Variants in CTNNA2 observed in about 807,000 individuals in gnomAD.
CTNNA2 encodes the protein catenin alpha 2, also known as catenin alpha-2.
Under a neutral mutation model 101.0 loss-of-function variants are expected in CTNNA2, and 42 were observed. The ratio of observed to expected loss-of-function variants is 0.42; its 90% CI spans 0.32 to 0.54. The LOEUF (loss-of-function observed/expected upper bound fraction) is 0.54. CTNNA2 is among the 20% of genes least tolerant of loss of function. CTNNA2 has a pLI of 0.14. For missense variants in CTNNA2, 871 were observed against 1,223.1 expected (o/e 0.71, Z 4.29); for synonymous variants, 450 against 456.4 (o/e 0.99, Z 0.18).
chr2:79,877,713 G>A (rs565787443), intron 6 of CTNNA2, among the ~76,000 whole-genome samples: 9 of 152,082 alleles, frequency 5.9e-5, no homozygotes, highest in African/African-American at 2.2e-4. Context: ...CTGATACTTG[G>A]TATAATACCT....
At chr2:79,566,591 CTTG>C (rs1675128783) in intron 1 of CTNNA2, among the ~76,000 whole-genome samples, 1 of 151,890 alleles carries the variant, frequency 6.6e-6, no homozygotes, top group Admixed American at 6.6e-5. Flanking sequence ...ATTTTACTTT[CTTG>C]TTGTTGGCTC....
chr2:79,523,065 GTA>G, intron 1 of CTNNA2: 1 of 242,410 alleles, frequency 4.1e-6, no homozygotes, highest in South Asian at 5.0e-5. Context: ...GAGATCATAG[GTA>G]TATATAAATT....
intron 12 of CTNNA2, among the ~76,000 whole-genome samples, chr2:80,558,440 GTTGGT>G (rs936642896): frequency 5.1e-5 from 7 of 137,284 alleles, no homozygotes; most frequent in Admixed American, 3.2e-4. Context: ...ACAAAGTTTT[GTTGGT>G]GTGTGTGTGT....
rs765245415 is a variant in CTNNA2, at chr2:80,303,095, C to T, written c.1057-90116C>T. The T allele has an allele frequency of 4.3e-6, 7 of 1,614,056 alleles. No individual in the cohort carries two copies. The South Asian group carries it at 6.6e-5, about 15-fold the overall frequency. ...GCTGACCACAATGGCCACCTTGTTCCTCCGCAGGCAGAGCGAGTGCAGGGA... is the reference window on the plus strand; with the variant it reads ...GCTGACCACAATGGCCACCTTGTTCTTCCGCAGGCAGAGCGAGTGCAGGGA... On this transcript the variant is annotated intron_variant, in intron 7 of 18. Transcript: ENST00000402739. The surrounding 1 kb of genome is among the most constrained non-coding windows in gnomAD (Gnocchi z 7.7).
At chr2:80,560,577 T>C (rs2149672631) in intron 12 of CTNNA2, among the ~76,000 whole-genome samples, 1 of 152,290 alleles carries the variant, frequency 6.6e-6, no homozygotes, top group Admixed American at 6.5e-5. Flanking sequence ...GAGTCCCCTG[T>C]ATAAACCCTC....
At chr2:80,501,776 G>T (rs1687901610) in intron 9 of CTNNA2, among the ~76,000 whole-genome samples, 1 of 152,142 alleles carries the variant, frequency 6.6e-6, no homozygotes, top group African/African-American at 2.4e-5. Flanking sequence ...CCCAAAAGGT[G>T]CTCTGGAGCA....
chr2:79,682,765 A>T (rs1049243398), intron 2 of CTNNA2, among the ~76,000 whole-genome samples: 12 of 152,174 alleles, frequency 7.9e-5, no homozygotes, highest in African/African-American at 2.7e-4. Context: ...AAATAGATAC[A>T]TATATGTGCT....
chr2:79,977,222 GCACACACA>G (rs72018840), intron 7 of CTNNA2, among the ~76,000 whole-genome samples: 10 of 144,836 alleles, frequency 6.9e-5, no homozygotes, highest in East Asian at 2.1e-4. Flanking sequence ...GCATATGCAT[GCACACACA>G]CACACACACA....
At chr2:79,659,828 T>C (rs937145799) in intron 2 of CTNNA2, among the ~76,000 whole-genome samples, 1 of 152,106 alleles carries the variant, frequency 6.6e-6, no homozygotes, top group Non-Finnish European at 1.5e-5. Context: ...GAGACCAGTC[T>C]CTACTAAAAG....
intron 7 of CTNNA2, among the ~76,000 whole-genome samples, chr2:80,066,290 A>G (rs1558774799): frequency 6.6e-6 from 1 of 152,220 alleles, no homozygotes; most frequent in Non-Finnish European, 1.5e-5. Context: ...AACCTATGAA[A>G]TGCGAGGAAA....
At position 79,193,157 on chromosome 2, in the gene CTNNA2, T is replaced by G. The variant is rs1255928161; in HGVS notation, c.-523-4802T>G. ...TCCTTTTAGCATAATTTTGTGAGAT[T>G]TATCCACATGTATGATATTTTAATT... On this transcript the variant is annotated intron_variant, in intron 1 of 21. Coordinates refer to the CTNNA2 transcript ENST00000466387. Among the ~76,000 whole-genome samples the G allele has an allele frequency of 3.3e-5, 5 of 152,208 alleles. No individual in the cohort carries two copies. The South Asian group carries it at 1.0e-3, about 31-fold the overall frequency.
chr2:80,567,812 C>G (rs1694190169), intron 12 of CTNNA2, among the ~76,000 whole-genome samples: 1 of 152,084 alleles, frequency 6.6e-6, no homozygotes, highest in East Asian at 1.9e-4. Context: ...AATTCCTGCA[C>G]AGGAATTAGC....
At chr2:80,435,188 C>A (rs1681922266) in intron 9 of CTNNA2, among the ~76,000 whole-genome samples, 1 of 152,178 alleles carries the variant, frequency 6.6e-6, no homozygotes, top group African/African-American at 2.4e-5. Context: ...AGAATCACTT[C>A]TCTATAATCT....
chr2:79,501,521 T>C (rs1006145645), intron 4 of CTNNA2, among the ~76,000 whole-genome samples: 2 of 152,210 alleles, frequency 1.3e-5, no homozygotes, highest in Non-Finnish European at 2.9e-5. Flanking sequence ...ATAGTGATGA[T>C]GACTACTAAA....
At position 79,201,924 on chromosome 2, in the gene CTNNA2, G is replaced by A. The variant is rs547232132; in HGVS notation, c.-406+3848G>A. On this transcript the variant is annotated intron_variant, in intron 2 of 21. Transcript: ENST00000466387. The stretch of plus-strand genomic sequence containing the variant: ...TCAGTGGTACAGTTTGCTTTTATAC[G>A]TTTTAGGGAGACATGAGACATCATT... Among the ~76,000 whole-genome samples the A allele has an allele frequency of 4.6e-5, 7 of 152,218 alleles. No individual in the cohort carries two copies. In the Middle Eastern group the frequency reaches 0.014, roughly 296 times the overall value.
At chr2:79,774,194 A>T (rs1177498842) in intron 3 of CTNNA2, among the ~76,000 whole-genome samples, 1 of 152,326 alleles carries the variant, frequency 6.6e-6, no homozygotes, top group East Asian at 1.9e-4. Context: ...TAATGCTGAC[A>T]TGAGAGAAGA....
chr2:79,601,052 C>G (rs1677522719), intron 1 of CTNNA2, among the ~76,000 whole-genome samples: 1 of 152,012 alleles, frequency 6.6e-6, no homozygotes, highest in Admixed American at 6.6e-5. Flanking sequence ...ATATGCACAC[C>G]TACACACATG....
chr2:80,496,914 C>A (rs892465446), intron 9 of CTNNA2, among the ~76,000 whole-genome samples: 1 of 152,130 alleles, frequency 6.6e-6, no homozygotes, highest in Non-Finnish European at 1.5e-5. Context: ...GACTATTAAT[C>A]CCCCATGTTT....
chr2:80,049,185 A>C (rs577594745), intron 7 of CTNNA2, among the ~76,000 whole-genome samples: 1 of 152,150 alleles, frequency 6.6e-6, no homozygotes, highest in Non-Finnish European at 1.5e-5. Context: ...AAATCATTTC[A>C]TTTTTGGCCA....
Sources: gnomAD v4.1 joint callset for allele counts (sites outside exome capture counted in the v4.1 genomes callset) on GRCh38, gnomAD v4.1.1 for gene constraint, Gnocchi (gnomAD v3.1) non-coding constraint, MANE v1.5 for transcripts, NCBI Gene and HGNC (gene_info 2026-07-23, HGNC 2026-07-21) for gene names.